Variants in SLC25A21 observed in about 807,000 individuals in gnomAD.
SLC25A21 encodes the protein solute carrier family 25 member 21.
A neutral mutation model predicts 43.8 loss-of-function variants in SLC25A21; 47 were observed. The observed-to-expected ratio is 1.07, with a 90% CI of 0.85 to 1.37. The LOEUF is 1.37. Ranked by LOEUF, SLC25A21 falls within the 40% of genes most tolerant of loss-of-function variation. The pLI, the probability that SLC25A21 is intolerant of heterozygous loss-of-function variation, is 0.00. For missense variants in SLC25A21, 352 were observed against 350.2 expected (o/e 1.00, Z -0.04); for synonymous variants, 131 against 121.3 (o/e 1.08, Z -0.52).
intron 3 of SLC25A21, among the ~76,000 whole-genome samples, chr14:36,757,017 G>A (rs1488912373): frequency 1.3e-5 from 2 of 151,456 alleles, no homozygotes; most frequent in Non-Finnish European, 2.9e-5. Flanking sequence ...ACTTTGGAAG[G>A]CTGAGGTGGG....
chr14:36,966,061 T>TAAAC (rs1299315461), intron 1 of SLC25A21, among the ~76,000 whole-genome samples: 1 of 152,104 alleles, frequency 6.6e-6, no homozygotes, highest in Admixed American at 6.6e-5. Context: ...ATTAAACTCT[T>TAAAC]AAACAAACAA....
Position 37,041,396 on chromosome 14 carries a change from C to T in SLC25A21, c.70+130885G>A, listed in dbSNP as rs1018658012. 1.1e-4 allele frequency among the ~76,000 whole-genome samples: 16 copies of T among 152,200 alleles called. 1 individual carries two copies. The South Asian group carries it at 1.9e-3, about 18-fold the overall frequency. On this transcript the variant is annotated intron_variant, in intron 1 of 9. Transcript: ENST00000331299. Reference sequence around the variant, plus strand: ...AAAGCTGGGTGCAGTGGTGTATTCCCGTAGTGCCAGCACTCTGGAGCCTGA... The same window carrying T: ...AAAGCTGGGTGCAGTGGTGTATTCCTGTAGTGCCAGCACTCTGGAGCCTGA...
At chr14:36,967,388 T>C (rs140932362) in intron 1 of SLC25A21, among the ~76,000 whole-genome samples, 1 of 152,300 alleles carries the variant, frequency 6.6e-6, no homozygotes, top group African/African-American at 2.4e-5. Flanking sequence ...CAAAAGACTC[T>C]ACTAACCATA....
chr14:36,992,355 T>C (rs1960281795), intron 1 of SLC25A21, among the ~76,000 whole-genome samples: 1 of 152,160 alleles, frequency 6.6e-6, no homozygotes, highest in Non-Finnish European at 1.5e-5. Flanking sequence ...CAGTGAGCTA[T>C]GATTGTGCCA....
In SLC25A21 at chr14:37,128,548, G is replaced by C. The variant is rs887570422; in HGVS notation, c.70+43733C>G. Among the ~76,000 whole-genome samples, 790 of 148,804 alleles carry C rather than the reference G, an allele frequency of 5.3e-3. 7 individuals carry two copies. The highest frequency in any genetic ancestry group is 0.017 in the African/African-American group (661 of 39,746). ...TCTCTCTCTCTCTCTCTGTGTGTGT[G>C]TGTGTGTGTGTGTGTGTGTGTGTGT... is the stretch of plus-strand genomic sequence containing the variant. On this transcript the variant is annotated intron_variant, in intron 1 of 9. Transcript: ENST00000331299.
At chr14:36,756,389 A>G (rs1885930071) in intron 3 of SLC25A21, among the ~76,000 whole-genome samples, 1 of 152,234 alleles carries the variant, frequency 6.6e-6, no homozygotes, top group Non-Finnish European at 1.5e-5. Context: ...ATAATTGAAG[A>G]TGCAAAGCGA....
At chr14:36,687,365 T>C (rs1882602043) in intron 7 of SLC25A21, among the ~76,000 whole-genome samples, 1 of 151,806 alleles carries the variant, frequency 6.6e-6, no homozygotes, top group African/African-American at 2.4e-5. Context: ...GATGCCTGGG[T>C]CCCGCTGCAG....
At chr14:37,061,457 C>T (rs778022993) in intron 1 of SLC25A21, among the ~76,000 whole-genome samples, 3 of 152,150 alleles carry the variant, frequency 2.0e-5, no homozygotes, top group African/African-American at 7.2e-5. Flanking sequence ...CCTTATGCAA[C>T]TGCTGATTTA....
chr14:36,971,225 C>A (rs1414756553), intron 1 of SLC25A21, among the ~76,000 whole-genome samples: 1 of 152,088 alleles, frequency 6.6e-6, no homozygotes, highest in Non-Finnish European at 1.5e-5. Flanking sequence ...TGAAAAGCAG[C>A]CCCAACATCA....
intron 2 of SLC25A21, among the ~76,000 whole-genome samples, chr14:36,852,056 A>C (rs1382532381): frequency 6.6e-6 from 1 of 152,168 alleles, no homozygotes; most frequent in African/African-American, 2.4e-5. Flanking sequence ...TCCATCCCCA[A>C]TCTTATGATT....
intron 1 of SLC25A21, among the ~76,000 whole-genome samples, chr14:37,170,225 G>A (rs980101711): frequency 2.6e-5 from 4 of 152,018 alleles, no homozygotes; most frequent in East Asian, 1.9e-4. Context: ...TAGTAGAAAC[G>A]GGGTTTCACC....
intron 2 of SLC25A21, among the ~76,000 whole-genome samples, chr14:36,840,432 T>C (rs1193543396): frequency 6.6e-6 from 1 of 152,236 alleles, no homozygotes; most frequent in Non-Finnish European, 1.5e-5. Flanking sequence ...GTCGGAATTA[T>C]CTTTTATCTA....
chr14:36,995,451 G>A (rs916036279), intron 1 of SLC25A21, among the ~76,000 whole-genome samples: 2 of 152,118 alleles, frequency 1.3e-5, no homozygotes, highest in Admixed American at 6.6e-5. Context: ...TTCTAAAAAT[G>A]CAAATTATTC....
At chr14:36,953,801 C>T (rs1048699388) in intron 1 of SLC25A21, among the ~76,000 whole-genome samples, 3 of 151,972 alleles carry the variant, frequency 2.0e-5, no homozygotes, top group Admixed American at 1.3e-4. Context: ...AAATACTTAC[C>T]ACATAGGCAT....
chr14:36,940,212 A>T (rs1892522981), intron 1 of SLC25A21, among the ~76,000 whole-genome samples: 1 of 152,128 alleles, frequency 6.6e-6, no homozygotes, highest in South Asian at 2.1e-4. Flanking sequence ...CCATATAACT[A>T]AGCTAGTTTG....
At chr14:36,946,336 G>A (rs1892679022) in intron 1 of SLC25A21, among the ~76,000 whole-genome samples, 1 of 152,112 alleles carries the variant, frequency 6.6e-6, no homozygotes, top group South Asian at 2.1e-4. Flanking sequence ...TCTGTATTTA[G>A]TATCCAGTAG....
At chr14:36,693,623 A>G (rs2139155753) in intron 7 of SLC25A21, among the ~76,000 whole-genome samples, 1 of 152,104 alleles carries the variant, frequency 6.6e-6, no homozygotes, top group Non-Finnish European at 1.5e-5. Flanking sequence ...TCACATATCT[A>G]GTTTTTTATT....
intron 5 of SLC25A21, among the ~76,000 whole-genome samples, chr14:36,728,938 G>A (rs563940293): frequency 6.6e-6 from 1 of 152,168 alleles, no homozygotes; most frequent in African/African-American, 2.4e-5. Flanking sequence ...CCAAAAAGGA[G>A]GGGAATGGCA....
chr14:37,020,239 C>A (rs967008124), intron 1 of SLC25A21, among the ~76,000 whole-genome samples: 2 of 151,712 alleles, frequency 1.3e-5, no homozygotes, highest in African/African-American at 4.8e-5. Context: ...GGATTATAAT[C>A]CATATATCAC....
Sources: allele counts gnomAD v4.1 joint callset (sites outside exome capture counted in the v4.1 genomes callset), GRCh38; gene constraint gnomAD v4.1.1; transcripts MANE v1.5; gene names NCBI Gene and HGNC (gene_info 2026-07-23, HGNC 2026-07-21).